AVL9: variants seen among roughly 807,000 people sequenced by gnomAD.
The protein encoded by AVL9 is late secretory pathway protein AVL9 homolog.
AVL9 carries 49 observed loss-of-function variants against 79.2 expected under a neutral mutation model. That is an observed-to-expected ratio of 0.62 (90% CI 0.49 to 0.79). The LOEUF is 0.79. Ranked by LOEUF, AVL9 falls within the 30% of genes least tolerant of loss-of-function variation. The pLI is 0.00. For missense variants in AVL9, 682 were observed against 776.8 expected, an observed-to-expected ratio of 0.88 and a Z score of 1.45; for synonymous variants, 299 against 280.6, an observed-to-expected ratio of 1.07 and a Z score of -0.65.
intron 10 of AVL9, among the ~76,000 whole-genome samples, chr7:32,565,962 C>T (rs181145092): frequency 0.013 from 1,710 of 132,738 alleles, 31 homozygotes; most frequent in African/African-American, 0.046. Context: ...GAGCCAAGAT[C>T]GTGCCACTGC....
chr7:32,561,435 C>G (rs533248862), intron 10 of AVL9, among the ~76,000 whole-genome samples: 1 of 152,144 alleles, frequency 6.6e-6, no homozygotes, highest in East Asian at 1.9e-4. Flanking sequence ...TGAGCTAACT[C>G]TGCTGGCTTC....
chr7:32,579,289 T>C (rs1791243582), intron 13 of AVL9, among the ~76,000 whole-genome samples: 1 of 86,656 alleles, frequency 1.2e-5, no homozygotes, highest in African/African-American at 5.0e-5. Flanking sequence ...TATATATATA[T>C]ATGTATTATA....
Position 32,584,210 on chromosome 7 carries a change from G to T in AVL9, c.*303G>T. On this transcript the variant is annotated 3_prime_UTR_variant, in exon 16 of 16. Coordinates refer to ENST00000318709, the MANE Select transcript of AVL9 (RefSeq NM_015060.3). ...TGATATTGTACATTGGTTTACTTTA[G>T]AAGAGTTTTTACTTATGTAAATTTT... The T allele has an allele frequency of 3.0e-6, 1 of 335,124 alleles. No individual in the cohort carries two copies. The highest frequency in any genetic ancestry group is 5.6e-6 in the Non-Finnish European group (1 of 177,390). 20.8% of individuals were successfully genotyped at this position (335,124 alleles called of 1,614,324 possible).
At chr7:32,551,522 A>G (rs559245652) in intron 5 of AVL9, 99 bp downstream of exon 5, 2 of 584,030 alleles carry the variant, frequency 3.4e-6, no homozygotes, top group African/African-American at 3.8e-5. Flanking sequence ...TATTACCTTA[A>G]GAAAGACATT....
intron 1 of AVL9, among the ~76,000 whole-genome samples, chr7:32,522,193 G>T (rs1788187908): frequency 6.6e-6 from 1 of 152,192 alleles, no homozygotes; most frequent in Admixed American, 6.5e-5. Context: ...GCTGTGAGAA[G>T]AGGGCCATTG....
chr7:32,495,861 C>A, intron 1 of AVL9, 59 bp downstream of exon 1: 1 of 1,119,290 alleles, frequency 8.9e-7, no homozygotes, highest in Non-Finnish European at 1.2e-6. Flanking sequence ...TTCCGGGGCC[C>A]CCCTGCCCTG....
intron 4 of AVL9, among the ~76,000 whole-genome samples, chr7:32,551,026 T>C (rs959719375): frequency 1.1e-4 from 16 of 152,170 alleles, no homozygotes; most frequent in African/African-American, 3.9e-4. Flanking sequence ...CATATGCCCA[T>C]GTTCAGATCA....
chr7:32,580,759 T>A lies in AVL9; in HGVS notation c.1743-43T>A, dbSNP rs199510751. Reference sequence around the variant, plus strand: ...TCTGTGTGCGTGTGTGAGATTTTTTTAAAATTGTACCTAACACTTCTTTTA... The same window carrying A: ...TCTGTGTGCGTGTGTGAGATTTTTTAAAAATTGTACCTAACACTTCTTTTA... On this transcript the variant is annotated intron_variant, in intron 14 of 15. Transcript: ENST00000318709. 1.5e-4 allele frequency: 228 copies of A among 1,480,044 alleles called. 1 individual carries two copies. The Middle Eastern group carries it at 3.6e-3, about 24-fold the overall frequency. 91.7% of individuals were successfully genotyped at this position (1,480,044 alleles called of 1,614,324 possible). A position where few individuals can be genotyped will look rare whatever the true frequency, so the allele number is the denominator to read the frequency against.
At position 32,586,087 on chromosome 7, in the gene AVL9, CT is replaced by C. The variant is rs1238117463; in HGVS notation, c.*2181del. 1.6e-4 allele frequency: 24 copies of C among 152,180 alleles called. No individual in the cohort carries two copies. The highest frequency in any genetic ancestry group is 5.6e-4 in the African/African-American group (23 of 41,434). 9.4% of individuals were successfully genotyped at this position (152,180 alleles called of 1,614,324 possible). A position where few individuals can be genotyped will look rare whatever the true frequency, so the allele number is the denominator to read the frequency against. ...GTATGGTTTCTGTGATCGGGGTAAACTCCCGTCTCCCACTATTCAAAAGCAG... is the reference window on the plus strand; with the variant it reads ...GTATGGTTTCTGTGATCGGGGTAAACCCCGTCTCCCACTATTCAAAAGCAG... On this transcript the variant is annotated 3_prime_UTR_variant, in exon 16 of 16. Coordinates refer to ENST00000318709, the MANE Select transcript of AVL9 (RefSeq NM_015060.3).
At chr7:32,569,960 T>C in intron 10 of AVL9, 60 bp from the exon 11 acceptor site, 5 of 1,571,398 alleles carry the variant, frequency 3.2e-6, no homozygotes, top group Non-Finnish European at 4.4e-6. Context: ...CTCACTAAGT[T>C]TAAAGAGAAA....
chr7:32,558,887 A>G, intron 9 of AVL9, 42 bp from the exon 10 acceptor site: 2 of 1,505,002 alleles, frequency 1.3e-6, no homozygotes, highest in Non-Finnish European at 1.8e-6. Context: ...GTTCTTCCAT[A>G]TTATTATAAG....
intron 11 of AVL9, among the ~76,000 whole-genome samples, chr7:32,570,756 AT>A (rs1189652559): frequency 6.6e-6 from 1 of 150,976 alleles, no homozygotes; most frequent in Non-Finnish European, 1.5e-5. Flanking sequence ...AGTAGGTTGG[AT>A]TACAAGTGCC....
chr7:32,566,744 A>G (rs1790594582), intron 10 of AVL9, among the ~76,000 whole-genome samples: 1 of 151,334 alleles, frequency 6.6e-6, no homozygotes. Flanking sequence ...TTAGCCAGGC[A>G]TGGTGGTGGG....
rs1216069266 is a variant in AVL9, at chr7:32,584,711, T to G, written c.*804T>G. 6.7e-6 allele frequency: 1 copy of G among 149,998 alleles called. No homozygotes were observed. Among genetic ancestry groups the G allele is most frequent in the Non-Finnish European group, 1.5e-5 (1 of 67,762 alleles). The allele number at this position is 149,998 out of a possible 1,614,324, so 9.3% of individuals were successfully genotyped here. ...GTTTATTTTTCAACCGCAGTCATGT[T>G]GCAGTCTTACAAGCACTTTTTTTTT... is the stretch of plus-strand genomic sequence containing the variant. On this transcript the variant is annotated 3_prime_UTR_variant, in exon 16 of 16. Transcript: ENST00000318709.
chr7:32,510,222 T>G (rs1787600624), intron 1 of AVL9, among the ~76,000 whole-genome samples: 1 of 150,796 alleles, frequency 6.6e-6, no homozygotes, highest in East Asian at 2.0e-4. Flanking sequence ...CCGTCAGGTC[T>G]GGCTGTGGGA....
At chr7:32,554,456 G>A (rs2128139618) in intron 7 of AVL9, 102 bp from the exon 8 acceptor site, 1 of 580,230 alleles carries the variant, frequency 1.7e-6, no homozygotes. Context: ...TTAAAGTGCT[G>A]TATTTAGTAT....
At chr7:32,571,841 A>G (rs188847787) in intron 11 of AVL9, among the ~76,000 whole-genome samples, 30 of 152,230 alleles carry the variant, frequency 2.0e-4, no homozygotes, top group African/African-American at 7.0e-4. Context: ...TGTATTTTTT[A>G]GTATATCAAA....
intron 1 of AVL9, among the ~76,000 whole-genome samples, chr7:32,518,863 T>C (rs999279258): frequency 2.8e-4 from 43 of 151,718 alleles, no homozygotes; most frequent in Admixed American, 1.6e-3. Flanking sequence ...ATACACTCAA[T>C]AATTGGTTAA....
At chr7:32,549,100 T>G (rs1230058417) in intron 4 of AVL9, among the ~76,000 whole-genome samples, 182 bp downstream of exon 4, 1 of 151,548 alleles carries the variant, frequency 6.6e-6, no homozygotes, top group African/African-American at 2.4e-5. Context: ...CAAGACTTGG[T>G]AAGAGAAAGG....
Sources: allele counts gnomAD v4.1 joint callset (sites outside exome capture counted in the v4.1 genomes callset), GRCh38; gene constraint gnomAD v4.1.1; transcripts MANE v1.5; gene names NCBI Gene and HGNC (gene_info 2026-07-23, HGNC 2026-07-21).